The following SPOP variants were observed in gnomAD, a reference collection of about 807,000 sequenced individuals.
SPOP encodes the protein speckle type BTB/POZ protein, also known as speckle-type POZ protein.
SPOP carries 11 observed loss-of-function variants against 45.6 expected under a neutral mutation model. The ratio of observed to expected loss-of-function variants is 0.24; its 90% CI spans 0.15 to 0.40. The LOEUF is 0.40. SPOP is among the 10% of genes least tolerant of loss of function. The probability of loss-of-function intolerance (pLI) is 1.00; values close to 1 mark genes in which losing one functional copy is unlikely to be tolerated. For synonymous variants in SPOP, 166 were observed against 166.3 expected (o/e 1.00, Z 0.01); for missense variants, 152 against 465.6 (o/e 0.33, Z 6.20).
intron 8 of SPOP, among the ~76,000 whole-genome samples, chr17:49,604,241 T>G (rs2071792723): frequency 6.6e-6 from 1 of 152,216 alleles, no homozygotes; most frequent in Admixed American, 6.5e-5. Context: ...TCTTACTGTC[T>G]CCATTAAAAG....
chr17:49,611,005 C>G (rs944320724), intron 6 of SPOP, among the ~76,000 whole-genome samples: 1 of 152,102 alleles, frequency 6.6e-6, no homozygotes, highest in African/African-American at 2.4e-5. Flanking sequence ...CATCTACTCT[C>G]TAGGGGCAAA....
rs979251899 is a variant in SPOP, at chr17:49,639,225, CT to C, written c.-66-16350del. Reference sequence around the variant, plus strand: ...AATACCTTTAGTCCCTTACTCTCCACTTTTTTTTTTAAGCTTAAGGTTTGGG... The same window carrying C: ...AATACCTTTAGTCCCTTACTCTCCACTTTTTTTTTAAGCTTAAGGTTTGGG... On this transcript the variant is annotated intron_variant, in intron 1 of 9. Coordinates refer to ENST00000504102, the MANE Select transcript of SPOP (RefSeq NM_001007228.2). 8.7e-5 allele frequency among the ~76,000 whole-genome samples: 13 copies of C among 148,580 alleles called. No homozygotes were observed. In the East Asian group the frequency reaches 9.8e-4, roughly 11 times the overall value.
intron 1 of SPOP, among the ~76,000 whole-genome samples, chr17:49,656,318 G>A (rs1182901389): frequency 6.6e-6 from 1 of 152,138 alleles, no homozygotes; most frequent in African/African-American, 2.4e-5. Flanking sequence ...CCTTTCTCCA[G>A]TATTTCTTGT....
rs193921065 is a variant in SPOP, at chr17:49,619,062, G to A, written c.399C>T (p.Phe133=). ...YRFVQGKDWG[F]KKFIRRDFLL... ...GAAAATCTCTACGGATGAATTTCTT[G>A]AATCCCCAGTCTTTGCCTTGCACAA... is the stretch of plus-strand genomic sequence containing the variant. Residue 133 remains phenylalanine, a synonymous_variant, in exon 5 of 10, where the codon TTC becomes TTT. Coordinates refer to ENST00000504102, the MANE Select transcript of SPOP (RefSeq NM_001007228.2). This position sits in a 1 kb window ranked among gnomAD's most constrained non-coding sequence, Gnocchi z 4.9. 6.2e-7 allele frequency: 1 copy of A among 1,614,086 alleles called. No individual in the cohort carries two copies. Among genetic ancestry groups the A allele is most frequent in the Non-Finnish European group, 8.5e-7 (1 of 1,180,018 alleles).
chr17:49,659,768 G>A (rs1164346722), intron 1 of SPOP, among the ~76,000 whole-genome samples: 4 of 151,952 alleles, frequency 2.6e-5, no homozygotes, highest in Non-Finnish European at 4.4e-5. Context: ...AGCCTCATTC[G>A]CATCTCAAAT....
At chr17:49,612,788 T>A (rs2072001627) in intron 5 of SPOP, 5 of 152,200 alleles carry the variant, frequency 3.3e-5, no homozygotes, top group Admixed American at 3.3e-4. Context: ...CCTTGAGAAT[T>A]AGCTCCCCAC....
chr17:49,632,529 G>T (rs1276283318), intron 1 of SPOP, among the ~76,000 whole-genome samples: 2 of 147,606 alleles, frequency 1.4e-5, no homozygotes, highest in African/African-American at 5.0e-5. Flanking sequence ...TTTCATTCTT[G>T]TTGCCCAGGC....
intron 1 of SPOP, among the ~76,000 whole-genome samples, chr17:49,654,796 TAAATA>T (rs2072886302): frequency 6.6e-6 from 1 of 151,974 alleles, no homozygotes; most frequent in African/African-American, 2.4e-5. Flanking sequence ...AAAAAGTAAA[TAAATA>T]AAATAAAATA....
At chr17:49,629,680 C>T (rs1349456127) in intron 1 of SPOP, among the ~76,000 whole-genome samples, 2 of 152,204 alleles carry the variant, frequency 1.3e-5, no homozygotes, top group Non-Finnish European at 2.9e-5. Flanking sequence ...TAGGCTAGAA[C>T]ACCCTCTGAA....
intron 1 of SPOP, among the ~76,000 whole-genome samples, chr17:49,665,322 T>C (rs2073038652): frequency 6.6e-6 from 1 of 152,102 alleles, no homozygotes; most frequent in Non-Finnish European, 1.5e-5. Context: ...CATTAAAATA[T>C]ACCAATTTGG....
At chr17:49,648,976 C>T (rs974595840) in intron 1 of SPOP, among the ~76,000 whole-genome samples, 30 of 152,022 alleles carry the variant, frequency 2.0e-4, no homozygotes, top group African/African-American at 7.2e-4. Context: ...CCAGGATGGT[C>T]TTGATCTCCT....
intron 6 of SPOP, among the ~76,000 whole-genome samples, chr17:49,609,455 T>G (rs2071921206): frequency 6.6e-6 from 1 of 152,088 alleles, no homozygotes; most frequent in South Asian, 2.1e-4. Flanking sequence ...CAGCAGCTGA[T>G]GCAACGGGAA....
intron 3 of SPOP, 111 bp downstream of exon 3, chr17:49,621,835 A>G: frequency 8.1e-7 from 1 of 1,238,010 alleles, no homozygotes; most frequent in South Asian, 1.4e-5. Flanking sequence ...AGTAAGAACA[A>G]AACAAAAGTC....
At chr17:49,643,495 C>T (rs954120541) in intron 1 of SPOP, among the ~76,000 whole-genome samples, 1 of 152,170 alleles carries the variant, frequency 6.6e-6, no homozygotes, top group Non-Finnish European at 1.5e-5. Flanking sequence ...TTTTTAAATG[C>T]TACCTTTGGC....
At chr17:49,650,574 C>G (rs1489023241) in intron 1 of SPOP, among the ~76,000 whole-genome samples, 1 of 151,834 alleles carries the variant, frequency 6.6e-6, no homozygotes, top group South Asian at 2.1e-4. Flanking sequence ...AGCAAGACTC[C>G]GTTTCAAAAA....
Position 49,600,937 on chromosome 17 carries a change from CAA to C in SPOP, c.981-417_981-416del, listed in dbSNP as rs770067470. On this transcript the variant is annotated intron_variant, in intron 9 of 9. Coordinates refer to ENST00000504102, the MANE Select transcript of SPOP (RefSeq NM_001007228.2). This position sits in a 1 kb window ranked among gnomAD's most constrained non-coding sequence, Gnocchi z 4.2. Reference sequence around the variant, plus strand: ...CAGAGCCTGGGGCCTACTTGATTATCAAAAAAGAGGGGAGGATAACCATACTT... The same window carrying C: ...CAGAGCCTGGGGCCTACTTGATTATCAAAAGAGGGGAGGATAACCATACTT... 2.3e-5 allele frequency: 4 copies of C among 171,864 alleles called. No individual in the cohort carries two copies. Among genetic ancestry groups the C allele is most frequent in the Non-Finnish European group, 5.1e-5 (4 of 78,768 alleles). 10.6% of individuals were successfully genotyped at this position (171,864 alleles called of 1,614,324 possible).
chr17:49,644,952 C>T (rs947864124), intron 1 of SPOP, among the ~76,000 whole-genome samples: 4 of 152,110 alleles, frequency 2.6e-5, no homozygotes, highest in African/African-American at 9.7e-5. Flanking sequence ...CTTTAGCTGA[C>T]AGTGTCACAG....
chr17:49,665,323 A>G (rs965401295), intron 1 of SPOP, among the ~76,000 whole-genome samples: 1 of 152,078 alleles, frequency 6.6e-6, no homozygotes, highest in Non-Finnish European at 1.5e-5. Flanking sequence ...ATTAAAATAT[A>G]CCAATTTGGG....
At chr17:49,655,941 G>A (rs1201810786) in intron 1 of SPOP, among the ~76,000 whole-genome samples, 2 of 152,098 alleles carry the variant, frequency 1.3e-5, no homozygotes, top group Non-Finnish European at 2.9e-5. Context: ...CTCCTGAGTA[G>A]CTAGGATTAC....
Sources: allele counts gnomAD v4.1 joint callset (sites outside exome capture counted in the v4.1 genomes callset), GRCh38; gene constraint gnomAD v4.1.1; non-coding constraint Gnocchi (gnomAD v3.1); transcripts MANE v1.5; gene names NCBI Gene and HGNC (gene_info 2026-07-23, HGNC 2026-07-21).